The following MAP3K15 variants were observed in gnomAD, a reference collection of about 807,000 sequenced individuals.
MAP3K15 encodes mitogen-activated protein kinase kinase kinase 15.
Under a neutral mutation model 99.5 loss-of-function variants are expected in MAP3K15, and 124 were observed. That is an observed-to-expected ratio of 1.25 (90% CI 1.08 to 1.45). The LOEUF (loss-of-function observed/expected upper bound fraction) is 1.45, where lower values mean the gene tolerates loss of function less well. MAP3K15 is among the 40% of genes most tolerant of loss of function. The pLI is 0.00. For synonymous variants in MAP3K15, 494 were observed against 439.6 expected, an observed-to-expected ratio of 1.12 and a Z score of -1.55; for missense variants, 1,242 against 1,079.7, an observed-to-expected ratio of 1.15 and a Z score of -2.11.
chrX:19,431,398 G>T (rs755781641), intron 7 of MAP3K15, 40 bp downstream of exon 7: 17 of 1,167,876 alleles, frequency 1.5e-5, no homozygotes, highest in Non-Finnish European at 2.0e-5. Flanking sequence ...TCTGTTCCTT[G>T]AAGAGATGCA....
At chrX:19,380,565 G>A (rs1051162216) in intron 18 of MAP3K15, among the ~76,000 whole-genome samples, 5 of 110,620 alleles carry the variant, frequency 4.5e-5, no homozygotes, top group East Asian at 5.7e-4. Context: ...TTGCTCTGTC[G>A]CCCAGGCTGG....
chrX:19,462,653 C>T (rs756285432), intron 4 of MAP3K15, among the ~76,000 whole-genome samples: 6 of 111,989 alleles, frequency 5.4e-5, no homozygotes, highest in Non-Finnish European at 1.1e-4. Flanking sequence ...ATGTAATAAG[C>T]ATGCAGCCAT....
chrX:19,506,987 A>T (rs926484618), intron 1 of MAP3K15, among the ~76,000 whole-genome samples: 13 of 112,435 alleles, frequency 1.2e-4, no homozygotes, highest in African/African-American at 4.2e-4. Context: ...AATGAGGTTC[A>T]GAGAAGAGTG....
intron 18 of MAP3K15, among the ~76,000 whole-genome samples, chrX:19,391,674 C>CAAAAAAAAAAAAAAAAAAAAAGAAA (rs2063528236): frequency 7.0e-5 from 2 of 28,535 alleles, no homozygotes; most frequent in African/African-American, 1.1e-4. Flanking sequence ...GACCCCGTCT[C>CAAAAAAAAAAAAAAAAAAAAAGAAA]AAAAAAAAAA....
chrX:19,468,832 C>T (rs1214790539), intron 3 of MAP3K15, among the ~76,000 whole-genome samples: 2 of 110,750 alleles, frequency 1.8e-5, no homozygotes, highest in Non-Finnish European at 3.8e-5. Context: ...AGGCCTTTCA[C>T]ATCCCTTGTA....
intron 3 of MAP3K15, among the ~76,000 whole-genome samples, chrX:19,474,182 C>G (rs2064225177): frequency 8.9e-6 from 1 of 112,047 alleles, no homozygotes; most frequent in African/African-American, 3.2e-5. Flanking sequence ...TATTCGTCCT[C>G]TCAGCTGAAC....
chrX:19,446,083 C>CTGTATG, intron 6 of MAP3K15, among the ~76,000 whole-genome samples: 1 of 112,200 alleles, frequency 8.9e-6, no homozygotes, highest in Non-Finnish European at 1.9e-5. Context: ...GTGAAATAAA[C>CTGTATG]TGTATGTGTG....
At chrX:19,396,018 T>C (rs1237151406) in intron 15 of MAP3K15, among the ~76,000 whole-genome samples, 1 of 111,736 alleles carries the variant, frequency 8.9e-6, no homozygotes, top group Non-Finnish European at 1.9e-5. Flanking sequence ...CAGCTCAAAG[T>C]TGATCTATTT....
intron 11 of MAP3K15, among the ~76,000 whole-genome samples, chrX:19,412,350 T>C (rs1221645248): frequency 8.9e-6 from 1 of 112,389 alleles, no homozygotes; most frequent in Non-Finnish European, 1.9e-5. Flanking sequence ...ATACAAGTCA[T>C]GTATGGGCAT....
At chrX:19,504,128 G>C (rs1477410954) in intron 1 of MAP3K15, among the ~76,000 whole-genome samples, 1 of 103,764 alleles carries the variant, frequency 9.6e-6, no homozygotes, top group Non-Finnish European at 2.0e-5. Context: ...GAGGGGAGGT[G>C]AGGGGAGGGG....
At chrX:19,375,902 A>G (rs2063413726) in intron 19 of MAP3K15, among the ~76,000 whole-genome samples, 1 of 111,896 alleles carries the variant, frequency 8.9e-6, no homozygotes, top group Admixed American at 9.5e-5. Flanking sequence ...GTGAAATCCC[A>G]CCCACCGCCA....
At chrX:19,361,059 G>A in intron 28 of MAP3K15, 2 of 419,584 alleles carry the variant, frequency 4.8e-6, no homozygotes, top group Non-Finnish European at 8.2e-6. Context: ...GCAGTTTAAA[G>A]AAGGGGGTGG....
At chrX:19,412,900 A>C (rs1336405444) in intron 11 of MAP3K15, among the ~76,000 whole-genome samples, 1 of 108,385 alleles carries the variant, frequency 9.2e-6, no homozygotes, top group Non-Finnish European at 1.9e-5. Flanking sequence ...ACACCCGGCT[A>C]ATTTTTTAAA....
At chrX:19,471,675 T>A (rs1479215773) in intron 3 of MAP3K15, among the ~76,000 whole-genome samples, 3 of 111,681 alleles carry the variant, frequency 2.7e-5, no homozygotes, top group Non-Finnish European at 5.6e-5. Context: ...CTTTGAAAGA[T>A]AAAGAGTGAA....
chrX:19,486,173 G>A (rs773309821), intron 3 of MAP3K15, among the ~76,000 whole-genome samples: 1 of 111,463 alleles, frequency 9.0e-6, no homozygotes, highest in African/African-American at 3.3e-5. Context: ...GGTGGTCCAT[G>A]GAACATCGAC....
At position 19,504,240 on chromosome X, in the gene MAP3K15, C is replaced by A. The variant is rs949804199; in HGVS notation, c.361+10661G>T. Among the ~76,000 whole-genome samples, 3 of 111,649 alleles carry A rather than the reference C, an allele frequency of 2.7e-5. No individual in the cohort carries two copies. The South Asian group carries it at 1.1e-3, about 43-fold the overall frequency. ...AGCTAGGCTATGCTGCCACAACAGA[C>A]GAATCCCCAAGGCTTCAGTGGCTTA... On this transcript the variant is annotated intron_variant, in intron 1 of 28. Coordinates refer to ENST00000338883, the MANE Select transcript of MAP3K15 (RefSeq NM_001001671.4).
Position 19,372,662 on chromosome X carries a change from A to G in MAP3K15, c.3099T>C (p.Cys1033=), listed in dbSNP as rs774657502. 2 of 1,205,289 alleles carry G rather than the reference A, an allele frequency of 1.7e-6. No homozygotes were observed. The highest frequency in any genetic ancestry group is 2.2e-6 in the Non-Finnish European group (2 of 891,562). The change falls in exon 22 of 29, where the codon TGT becomes TGC. Residue 1033 remains cysteine, a synonymous_variant. Coordinates refer to ENST00000338883, the MANE Select transcript of MAP3K15 (RefSeq NM_001001671.4). ...TCCCTCGGGCAAATACCTGGGCCAC[A>G]CACTCCTGCAGGTTGGAAGCCACCT... The part of the protein sequence containing the change: ...QNQVASNLQE[C]VAQSSEELHL...
rs748336532 is a variant in MAP3K15, at chrX:19,421,993, C to T, written c.1439+3538G>A. ...GCTAGCCATATGGAGAAAGCTGAAA[C>T]TGGATCCCTTCCTTACACCTTATGC... is the stretch of plus-strand genomic sequence containing the variant. On this transcript the variant is annotated intron_variant, in intron 9 of 28. Coordinates refer to ENST00000338883, the MANE Select transcript of MAP3K15 (RefSeq NM_001001671.4). Among the ~76,000 whole-genome samples the T allele has an allele frequency of 9.5e-4, 105 of 110,803 alleles. No individual in the cohort carries two copies. In the East Asian group the frequency reaches 0.028, roughly 30 times the overall value.
intron 1 of MAP3K15, among the ~76,000 whole-genome samples, chrX:19,491,509 A>G (rs1337717296): frequency 1.8e-5 from 2 of 109,411 alleles, no homozygotes; most frequent in Non-Finnish European, 3.8e-5. Flanking sequence ...AAAGGGAAGG[A>G]AAGAGCGGTG....
Sources: allele counts gnomAD v4.1 joint callset (sites outside exome capture counted in the v4.1 genomes callset), GRCh38; gene constraint gnomAD v4.1.1; transcripts MANE v1.5; gene names NCBI Gene and HGNC (gene_info 2026-07-23, HGNC 2026-07-21).